PLD5: variants seen among roughly 807,000 people sequenced by gnomAD.
PLD5 encodes the protein inactive phospholipase D5.
In PLD5, 36 loss-of-function variants were observed where a neutral mutation model predicts 61.1. That is an observed-to-expected ratio of 0.59 (90% CI 0.45 to 0.78). PLD5 has a LOEUF of 0.78. Among genes scored for constraint, PLD5 ranks in the 30% least tolerant of loss-of-function variants. PLD5 has a pLI of 0.00. For missense variants in PLD5, 515 were observed against 644.4 expected (o/e 0.80, Z 2.17); for synonymous variants, 243 against 242.8 (o/e 1.00, Z -0.01).
At chr1:242,507,435 T>C (rs1347920484) in intron 1 of PLD5, among the ~76,000 whole-genome samples, 1 of 152,214 alleles carries the variant, frequency 6.6e-6, no homozygotes, top group Non-Finnish European at 1.5e-5. Flanking sequence ...AGGAAGGTGC[T>C]GCACTGGAAA....
At chr1:242,408,068 TTAAAAA>T (rs66723383) in intron 1 of PLD5, among the ~76,000 whole-genome samples, 65,834 of 151,494 alleles carry the variant, frequency 0.43, 15,598 homozygotes, top group African/African-American at 0.64. Flanking sequence ...ATCAAAACAC[TTAAAAA>T]TAAAATAAAC....
chr1:242,247,207 C>T (rs1379883762), intron 4 of PLD5, among the ~76,000 whole-genome samples: 1 of 152,170 alleles, frequency 6.6e-6, no homozygotes. Flanking sequence ...TGGTCTCCAT[C>T]TCCTGACCTC....
chr1:242,387,054 A>G (rs1662642225), intron 1 of PLD5, among the ~76,000 whole-genome samples: 1 of 152,230 alleles, frequency 6.6e-6, no homozygotes, highest in Non-Finnish European at 1.5e-5. Context: ...TTGAATTTAA[A>G]TGGGGAATAT....
chr1:242,390,766 G>C (rs143686601), intron 1 of PLD5, among the ~76,000 whole-genome samples: 1,002 of 152,216 alleles, frequency 6.6e-3, no homozygotes, highest in Admixed American at 0.011. Context: ...TAGCCTGCAG[G>C]AAGACTATGT....
chr1:242,473,573 A>C (rs1275773808), intron 1 of PLD5, among the ~76,000 whole-genome samples: 2 of 152,254 alleles, frequency 1.3e-5, no homozygotes, highest in African/African-American at 4.8e-5. Flanking sequence ...CATGAGGCCT[A>C]TTGAAAAAGA....
chr1:242,185,576 G>A (rs570214967), intron 5 of PLD5, among the ~76,000 whole-genome samples: 1 of 152,254 alleles, frequency 6.6e-6, no homozygotes, highest in South Asian at 2.1e-4. Context: ...AGCACCACAA[G>A]CCTTGCCTGG....
At chr1:242,451,439 T>C (rs905076240) in intron 1 of PLD5, among the ~76,000 whole-genome samples, 7 of 151,678 alleles carry the variant, frequency 4.6e-5, no homozygotes, top group African/African-American at 1.7e-4. Context: ...ATTGTAAACA[T>C]GTTATTCCTG....
intron 1 of PLD5, among the ~76,000 whole-genome samples, chr1:242,478,658 T>C (rs1289937303): frequency 3.3e-5 from 5 of 152,238 alleles, no homozygotes; most frequent in African/African-American, 1.2e-4. Context: ...TCCCATTTGT[T>C]CATGGGAAAT....
intron 5 of PLD5, among the ~76,000 whole-genome samples, chr1:242,187,196 A>G (rs1313726599): frequency 2.0e-5 from 3 of 152,202 alleles, no homozygotes; most frequent in African/African-American, 7.2e-5. Context: ...TCAAAGTCTC[A>G]GCAGGAAAAA....
At chr1:242,131,422 A>G (rs1663237718) in intron 5 of PLD5, among the ~76,000 whole-genome samples, 1 of 152,176 alleles carries the variant, frequency 6.6e-6, no homozygotes. Flanking sequence ...CATACAATCC[A>G]AGGAGATGTT....
At chr1:242,202,400 A>G (rs1669038758) in intron 5 of PLD5, among the ~76,000 whole-genome samples, 1 of 152,124 alleles carries the variant, frequency 6.6e-6, no homozygotes, top group African/African-American at 2.4e-5. Flanking sequence ...TGAGCTTACA[A>G]TGTGTAAGCT....
chr1:242,311,077 A>G (rs970219021), intron 2 of PLD5, among the ~76,000 whole-genome samples: 1 of 152,220 alleles, frequency 6.6e-6, no homozygotes, highest in African/African-American at 2.4e-5. Context: ...GAGACAACAC[A>G]CTGTCATTAA....
At chr1:242,199,567 A>G (rs899673445) in intron 5 of PLD5, among the ~76,000 whole-genome samples, 1 of 152,190 alleles carries the variant, frequency 6.6e-6, no homozygotes. Context: ...TACAAGTACA[A>G]TTTTGCTACA....
chr1:242,163,229 C>T (rs895700818), intron 5 of PLD5, among the ~76,000 whole-genome samples: 47 of 148,080 alleles, frequency 3.2e-4, no homozygotes, highest in African/African-American at 1.1e-3. Context: ...CTGCAAGCTC[C>T]GCCTCCCGGG....
At chr1:242,359,654 T>C (rs1167528714) in intron 1 of PLD5, among the ~76,000 whole-genome samples, 1 of 152,160 alleles carries the variant, frequency 6.6e-6, no homozygotes, top group Non-Finnish European at 1.5e-5. Flanking sequence ...GATTCTGCCA[T>C]TTATTGGATG....
chr1:242,385,511 C>G (rs1223332916), intron 1 of PLD5, among the ~76,000 whole-genome samples: 1 of 152,172 alleles, frequency 6.6e-6, no homozygotes, highest in Non-Finnish European at 1.5e-5. Context: ...AGCATGGGCT[C>G]CCAGAGCTTG....
intron 9 of PLD5, among the ~76,000 whole-genome samples, chr1:242,092,803 A>G (rs1012622494): frequency 6.6e-6 from 1 of 152,102 alleles, no homozygotes; most frequent in African/African-American, 2.4e-5. Flanking sequence ...TCTGCTCTGT[A>G]TTCTGGAGCC....
chr1:242,211,386 T>C (rs983640383), intron 5 of PLD5, among the ~76,000 whole-genome samples: 1 of 152,196 alleles, frequency 6.6e-6, no homozygotes, highest in Non-Finnish European at 1.5e-5. Flanking sequence ...CTAAATAGCT[T>C]GTTTACTCAT....
chr1:242,196,605 T>G lies in PLD5; in HGVS notation c.735+23383A>C, dbSNP rs184649605. Reference sequence around the variant, plus strand: ...ACATATACATGTACACACACATATATACTAAATGCTTCTGCTATTCACAAT... The same window carrying G: ...ACATATACATGTACACACACATATAGACTAAATGCTTCTGCTATTCACAAT... On this transcript the variant is annotated intron_variant, in intron 5 of 9. Transcript: ENST00000536534. 1.9e-3 allele frequency among the ~76,000 whole-genome samples: 283 copies of G among 152,300 alleles called. 1 individual carries two copies. The highest frequency in any genetic ancestry group is 3.9e-3 in the Admixed American group (60 of 15,296).
Sources: gnomAD v4.1 joint callset for allele counts (sites outside exome capture counted in the v4.1 genomes callset) on GRCh38, gnomAD v4.1.1 for gene constraint, MANE v1.5 for transcripts, NCBI Gene and HGNC (gene_info 2026-07-23, HGNC 2026-07-21) for gene names.